Variants in C8A observed in about 807,000 individuals in gnomAD.
C8A encodes the protein complement component C8 alpha chain.
C8A carries 67 observed loss-of-function variants against 65.3 expected under a neutral mutation model. That is an observed-to-expected ratio of 1.03 (90% CI 0.84 to 1.26). The LOEUF (loss-of-function observed/expected upper bound fraction) is 1.26. Among genes scored for constraint, C8A ranks in the 50% most tolerant of loss-of-function variants. C8A has a pLI of 0.00. For synonymous variants in C8A, 290 were observed against 259.4 expected (o/e 1.12, Z -1.13); for missense variants, 781 against 723.9 (o/e 1.08, Z -0.90).
At chr1:56,903,467 T>A (rs1257099905) in intron 7 of C8A, among the ~76,000 whole-genome samples, 1 of 152,222 alleles carries the variant, frequency 6.6e-6, no homozygotes, top group Non-Finnish European at 1.5e-5. Flanking sequence ...TTTTATAAAA[T>A]CACCCAGTCT....
intron 2 of C8A, among the ~76,000 whole-genome samples, chr1:56,868,847 G>C (rs1396775573): frequency 2.0e-5 from 3 of 151,894 alleles, no homozygotes; most frequent in African/African-American, 7.3e-5. Flanking sequence ...TGTTACTTTG[G>C]GAATATTTTT....
chr1:56,898,506 G>A (rs1644402376), intron 7 of C8A, among the ~76,000 whole-genome samples: 1 of 152,026 alleles, frequency 6.6e-6, no homozygotes, highest in African/African-American at 2.4e-5. Flanking sequence ...CTGGAATTTT[G>A]CACCTCTCCC....
At chr1:56,907,632 G>T (rs538190773) in intron 8 of C8A, among the ~76,000 whole-genome samples, 3 of 152,148 alleles carry the variant, frequency 2.0e-5, no homozygotes, top group African/African-American at 7.2e-5. Flanking sequence ...TCGGCATATA[G>T]CAGGCACTGA....
At chr1:56,907,822 A>C (rs1189759437) in intron 8 of C8A, 134 bp from the exon 9 acceptor site, 1 of 1,053,312 alleles carries the variant, frequency 9.5e-7, no homozygotes, top group Non-Finnish European at 1.4e-6. Flanking sequence ...CTAGCTAACC[A>C]AGAAGAGAAG....
chr1:56,913,756 G>A (rs72915427), intron 10 of C8A, among the ~76,000 whole-genome samples: 1 of 152,098 alleles, frequency 6.6e-6, no homozygotes, highest in Admixed American at 6.6e-5. Flanking sequence ...AAAACACAAA[G>A]GGAAAAACAA....
intron 5 of C8A, among the ~76,000 whole-genome samples, chr1:56,882,541 T>C (rs1232475110): frequency 1.3e-5 from 2 of 152,082 alleles, no homozygotes; most frequent in Non-Finnish European, 2.9e-5. Context: ...AGAGATAGAT[T>C]ATACACTTTC....
At chr1:56,878,096 G>C (rs1375733846) in intron 4 of C8A, among the ~76,000 whole-genome samples, 1 of 152,074 alleles carries the variant, frequency 6.6e-6, no homozygotes, top group Non-Finnish European at 1.5e-5. Flanking sequence ...TCCCTGGCTT[G>C]TTGATGGCTG....
In C8A at chr1:56,854,953, G is replaced by A. The variant is rs768812752; in HGVS notation, c.52G>A (p.Val18Ile). ...GTCTTTGATGACTTGTCAGCCTGGG[G>A]TAACTGCACAGGAGAAGGTGAACCA... ...ILSLMTCQPG[V>I]TAQEKVNQRV... is the part of the protein sequence containing the mutation. The change falls in exon 1 of 11, where the codon GTA becomes ATA. Residue 18 changes from valine (V) to isoleucine (I), a missense_variant. Transcript: ENST00000361249. 21 of 1,613,756 alleles carry A rather than the reference G, an allele frequency of 1.3e-5. No individual in the cohort carries two copies. Among genetic ancestry groups the A allele is most frequent in the East Asian group, 2.2e-5 (1 of 44,878 alleles).
intron 9 of C8A, among the ~76,000 whole-genome samples, chr1:56,908,614 A>C (rs1644484689): frequency 6.6e-6 from 1 of 152,158 alleles, no homozygotes. Flanking sequence ...GGCCATACAA[A>C]AATAAGCTGT....
chr1:56,871,084 A>C (rs150968531), intron 2 of C8A, among the ~76,000 whole-genome samples: 62 of 152,330 alleles, frequency 4.1e-4, no homozygotes, highest in African/African-American at 1.3e-3. Context: ...TATGGCTTGC[A>C]CCATAATTCC....
At chr1:56,910,881 G>A (rs1234272018) in intron 9 of C8A, among the ~76,000 whole-genome samples, 2 of 152,134 alleles carry the variant, frequency 1.3e-5, no homozygotes, top group Non-Finnish European at 2.9e-5. Context: ...GACTTGCTCT[G>A]GCACAGTCCT....
intron 9 of C8A, among the ~76,000 whole-genome samples, chr1:56,911,352 G>T (rs572590102): frequency 6.6e-6 from 1 of 152,240 alleles, no homozygotes; most frequent in East Asian, 1.9e-4. Context: ...ATCCTGGAGG[G>T]TGTGATGACT....
intron 1 of C8A, among the ~76,000 whole-genome samples, chr1:56,867,178 A>G (rs929838063): frequency 2.6e-5 from 4 of 152,122 alleles, no homozygotes; most frequent in African/African-American, 9.7e-5. Flanking sequence ...ATGTTTTTTA[A>G]TGTAGTTTTA....
At chr1:56,873,124 T>C (rs982058958) in intron 2 of C8A, among the ~76,000 whole-genome samples, 2 of 152,190 alleles carry the variant, frequency 1.3e-5, no homozygotes, top group African/African-American at 4.8e-5. Context: ...CACCTCTCCT[T>C]GCTACCTTTG....
chr1:56,916,015 G>T (rs878927802), intron 10 of C8A, among the ~76,000 whole-genome samples: 1 of 152,138 alleles, frequency 6.6e-6, no homozygotes, highest in Admixed American at 6.5e-5. Context: ...CCAGTGACTT[G>T]CTAGGATCCC....
chr1:56,879,134 T>A (rs969585637), intron 4 of C8A, among the ~76,000 whole-genome samples: 10 of 152,206 alleles, frequency 6.6e-5, no homozygotes, highest in Non-Finnish European at 1.3e-4. Flanking sequence ...AACACAGCCC[T>A]GTGACCTGCA....
intron 1 of C8A, among the ~76,000 whole-genome samples, chr1:56,861,804 T>C (rs963616034): frequency 6.6e-6 from 1 of 152,212 alleles, no homozygotes; most frequent in Non-Finnish European, 1.5e-5. Context: ...TAATTAGTGA[T>C]AATCAGATTT....
Position 56,876,195 on chromosome 1 carries a change from G to A in C8A, c.450G>A (p.Gln150=). 1 of 1,613,880 alleles carries A rather than the reference G, an allele frequency of 6.2e-7. No individual in the cohort carries two copies. The highest frequency in any genetic ancestry group is 8.5e-7 in the Non-Finnish European group (1 of 1,179,856). Residue 150 remains glutamine (Q), a synonymous_variant, in exon 4 of 11, where the codon CAG becomes CAA. Coordinates refer to ENST00000361249, the MANE Select transcript of C8A (RefSeq NM_000562.3). The part of the protein sequence containing the change: ...CSQYEPIPGS[Q]KAALGYNILT... ...AGTATGAACCAATTCCAGGATCACA[G>A]AAGGCAGCCTTGGGGTGAGGCCCTG...
intron 1 of C8A, among the ~76,000 whole-genome samples, chr1:56,863,159 A>C (rs1456047079): frequency 6.6e-6 from 1 of 152,224 alleles, no homozygotes; most frequent in East Asian, 1.9e-4. Flanking sequence ...AATATTAATG[A>C]CAGTAAAATT....
Sources: gnomAD v4.1 joint callset for allele counts (sites outside exome capture counted in the v4.1 genomes callset) on GRCh38, gnomAD v4.1.1 for gene constraint, MANE v1.5 for transcripts, NCBI Gene and HGNC (gene_info 2026-07-23, HGNC 2026-07-21) for gene names.